The following DPRX variants were observed in gnomAD, a reference collection of about 807,000 sequenced individuals.
DPRX encodes divergent paired-related homeobox.
DPRX carries 11 observed loss-of-function variants against 8.4 expected under a neutral mutation model. The observed-to-expected ratio is 1.31, with a 90% CI of 0.82 to 2.17. The LOEUF is 2.17. Ranked by LOEUF, DPRX falls within the 30% of genes most tolerant of loss-of-function variation. The pLI is 0.00. For synonymous variants in DPRX, 72 were observed against 87.0 expected, an observed-to-expected ratio of 0.83 and a Z score of 0.96; for missense variants, 211 against 236.7, an observed-to-expected ratio of 0.89 and a Z score of 0.71.
upstream of DPRX, among the ~76,000 whole-genome samples, chr19:53,630,487 G>A (rs1437264971): frequency 1.3e-5 from 2 of 152,002 alleles, no homozygotes. Flanking sequence ...AGGAGGTTAA[G>A]GCTGCATTGA....
chr19:53,602,277 T>TG, the DPRX span: 2 of 193,614 alleles, frequency 1.0e-5, no homozygotes, highest in African/African-American at 2.7e-5. Flanking sequence ...GGTGTGTGTG[T>TG]GTGTGTGTGT....
chr19:53,607,424 G>T, the DPRX span, among the ~76,000 whole-genome samples: 1 of 152,090 alleles, frequency 6.6e-6, no homozygotes, highest in East Asian at 1.9e-4. Flanking sequence ...TAGGTGTGGT[G>T]GTGCACACCT....
chr19:53,621,384 G>A, the DPRX span, among the ~76,000 whole-genome samples: 47,141 of 151,240 alleles, frequency 0.31, 7,802 homozygotes, highest in Admixed American at 0.45. Context: ...CCTCCCACCC[G>A]TGCCTCCCAA....
chr19:53,613,152 G>A, the DPRX span, among the ~76,000 whole-genome samples: 5 of 152,194 alleles, frequency 3.3e-5, no homozygotes, highest in South Asian at 6.2e-4. Context: ...AGAAACTTCC[G>A]CTTCTGAAGC....
the DPRX span, chr19:53,608,297 G>A: frequency 6.9e-6 from 1 of 145,882 alleles, no homozygotes; most frequent in African/African-American, 2.6e-5. Context: ...CCCCAGCTCG[G>A]CCCATTTGTA....
At chr19:53,629,827 A>C (rs577823562), upstream of DPRX, 1 of 150,050 alleles carries the variant, frequency 6.7e-6, no homozygotes, top group African/African-American at 2.5e-5. Flanking sequence ...GGGCATCCAC[A>C]CTAAGTTCGG....
exon 2 of DPRX, chr19:53,634,655 G>A (rs755797017): frequency 1.5e-5 from 24 of 1,613,778 alleles, no homozygotes; most frequent in African/African-American, 2.7e-5. Context: ...AAATGGCCTC[G>A]AAAATAGACA....
chr19:53,623,373 T>C, the DPRX span, among the ~76,000 whole-genome samples: 2 of 151,822 alleles, frequency 1.3e-5, no homozygotes, highest in African/African-American at 4.8e-5. Flanking sequence ...GCATGGTGGC[T>C]CACGCCTGTA....
exon 3 of DPRX, chr19:53,636,764 G>A (rs371523408): frequency 2.6e-5 from 42 of 1,614,112 alleles, no homozygotes; most frequent in African/African-American, 1.5e-4. Context: ...TCACCCGATC[G>A]GCCTGGTGTA....
At chr19:53,631,804 A>C (rs1040536025), upstream of DPRX, among the ~76,000 whole-genome samples, 3 of 152,154 alleles carry the variant, frequency 2.0e-5, no homozygotes, top group Middle Eastern at 3.4e-3. Flanking sequence ...TCTGCTCAGG[A>C]AGTCTGGAGT....
At chr19:53,636,900 T>A in exon 3 of DPRX, 1 of 1,614,080 alleles carries the variant, frequency 6.2e-7, no homozygotes, top group South Asian at 1.1e-5. Context: ...ATATACTGCC[T>A]CTACCCCATT....
chr19:53,603,733 T>C, the DPRX span, among the ~76,000 whole-genome samples: 1 of 151,718 alleles, frequency 6.6e-6, no homozygotes, highest in South Asian at 2.1e-4. Context: ...TTTTTCCTTT[T>C]TTTCTTTTCT....
the DPRX span, among the ~76,000 whole-genome samples, chr19:53,612,953 C>T: frequency 6.6e-6 from 1 of 151,908 alleles, no homozygotes; most frequent in African/African-American, 2.4e-5. Context: ...AGACCTAAAA[C>T]CAAACAAGAT....
chr19:53,612,069 G>A, the DPRX span, among the ~76,000 whole-genome samples: 1 of 151,054 alleles, frequency 6.6e-6, no homozygotes, highest in Non-Finnish European at 1.5e-5. Context: ...GGGTGACAGA[G>A]CGAGACTCCA....
At chr19:53,628,501 T>C (rs2091079313), upstream of DPRX, among the ~76,000 whole-genome samples, 1 of 152,192 alleles carries the variant, frequency 6.6e-6, no homozygotes, top group African/African-American at 2.4e-5. Flanking sequence ...TAACATATAA[T>C]TAACCATTTA....
At chr19:53,627,346 A>G (rs1293259390), upstream of DPRX, among the ~76,000 whole-genome samples, 2 of 152,004 alleles carry the variant, frequency 1.3e-5, no homozygotes, top group African/African-American at 2.4e-5. Context: ...GAGAACACTT[A>G]ATTAATATAC....
At chr19:53,620,434 C>T in the DPRX span, among the ~76,000 whole-genome samples, 1 of 150,608 alleles carries the variant, frequency 6.6e-6, no homozygotes, top group East Asian at 2.0e-4. Flanking sequence ...GTGATCTTGG[C>T]TCACTGCAAC....
the DPRX span, among the ~76,000 whole-genome samples, chr19:53,620,218 T>C: frequency 6.6e-6 from 1 of 151,272 alleles, no homozygotes; most frequent in East Asian, 2.0e-4. Flanking sequence ...TACAGGCACC[T>C]GCCACCTTGC....
the DPRX span, among the ~76,000 whole-genome samples, chr19:53,608,981 AAAAGAAAGAAAGAGAAAG>A: frequency 1.4e-5 from 2 of 140,054 alleles, no homozygotes; most frequent in Admixed American, 7.2e-5. Flanking sequence ...AAAAGGAAAG[AAAAGAAAGAAAGAGAAAG>A]AAAGAAAGAA....
Sources: gnomAD v4.1 joint callset for allele counts (sites outside exome capture counted in the v4.1 genomes callset) on GRCh38, gnomAD v4.1.1 for gene constraint, MANE v1.5 for transcripts, NCBI Gene and HGNC (gene_info 2026-07-23, HGNC 2026-07-21) for gene names.